Variants in ERGIC2 observed in about 807,000 individuals in gnomAD.
ERGIC2 encodes the protein ERGIC and golgi 2.
In ERGIC2, 31 loss-of-function variants were observed where a neutral mutation model predicts 52.5. The observed-to-expected ratio is 0.59, with a 90% CI of 0.44 to 0.80. The LOEUF (loss-of-function observed/expected upper bound fraction) is 0.80. Among genes scored for constraint, ERGIC2 ranks in the 30% least tolerant of loss-of-function variants. The pLI is 0.00. For missense variants in ERGIC2, 395 were observed against 455.2 expected (o/e 0.87, Z 1.20); for synonymous variants, 129 against 140.6 (o/e 0.92, Z 0.58).
chr12:29,346,243 C>CAGTG (rs1337676896), intron 10 of ERGIC2, among the ~76,000 whole-genome samples: 1 of 150,158 alleles, frequency 6.7e-6, no homozygotes, highest in Non-Finnish European at 1.5e-5. Context: ...GGCTGGAGTG[C>CAGTG]AGTGGCGCAA....
intron 3 of ERGIC2, among the ~76,000 whole-genome samples, chr12:29,368,657 T>C (rs1345590778): frequency 6.6e-6 from 1 of 151,936 alleles, no homozygotes; most frequent in Admixed American, 6.6e-5. Context: ...TTAGGAATTG[T>C]CTTTCTTCTC....
At chr12:29,369,990 G>A in intron 3 of ERGIC2, 124 bp downstream of exon 3, 1 of 852,112 alleles carries the variant, frequency 1.2e-6, no homozygotes, top group Non-Finnish European at 1.6e-6. Context: ...AATTTTTCAG[G>A]ACTATTTCTT....
intron 13 of ERGIC2, 84 bp from the exon 14 acceptor site, chr12:29,341,302 G>T: frequency 9.2e-7 from 1 of 1,087,960 alleles, no homozygotes; most frequent in Non-Finnish European, 1.4e-6. Context: ...GTTTTATTTT[G>T]GGCAATCCTT....
intron 6 of ERGIC2, among the ~76,000 whole-genome samples, chr12:29,359,212 T>C (rs921866678): frequency 5.9e-4 from 90 of 151,894 alleles, no homozygotes; most frequent in Non-Finnish European, 2.1e-4. Flanking sequence ...AGATCCCATC[T>C]TCAGATTCAG....
At chr12:29,369,391 A>G (rs902056842) in intron 3 of ERGIC2, among the ~76,000 whole-genome samples, 1 of 152,006 alleles carries the variant, frequency 6.6e-6, no homozygotes, top group East Asian at 1.9e-4. Flanking sequence ...CCAAGGTTAC[A>G]CAGCAATTTA....
At chr12:29,361,513 A>G (rs772197385) in intron 6 of ERGIC2, 132 bp downstream of exon 6, 11 of 550,794 alleles carry the variant, frequency 2.0e-5, no homozygotes, top group Non-Finnish European at 2.7e-5. Flanking sequence ...TAAGGATTAT[A>G]TTATATACCA....
At chr12:29,368,123 T>C (rs1940390005) in intron 4 of ERGIC2, 118 bp downstream of exon 4, 1 of 683,362 alleles carries the variant, frequency 1.5e-6, no homozygotes, top group Non-Finnish European at 2.6e-6. Flanking sequence ...AATACCACAG[T>C]AAAACTTTAA....
At chr12:29,374,334 A>G (rs574188967) in intron 1 of ERGIC2, among the ~76,000 whole-genome samples, 7 of 152,120 alleles carry the variant, frequency 4.6e-5, no homozygotes, top group Non-Finnish European at 8.8e-5. Context: ...CACATCCCCA[A>G]TTTTCATTCT....
At chr12:29,380,472 T>C (rs1173506778) in intron 1 of ERGIC2, 2 of 152,306 alleles carry the variant, frequency 1.3e-5, no homozygotes, top group African/African-American at 4.8e-5. Flanking sequence ...CAATGACCTG[T>C]CAACTCTATA....
intron 4 of ERGIC2, among the ~76,000 whole-genome samples, chr12:29,367,660 A>C (rs1211286890): frequency 1.3e-5 from 2 of 151,820 alleles, no homozygotes; most frequent in African/African-American, 4.8e-5. Context: ...CTTGGTCTGT[A>C]ATTTTTAAGC....
At chr12:29,363,849 AAG>A (rs1940319396) in intron 5 of ERGIC2, among the ~76,000 whole-genome samples, 2 of 151,824 alleles carry the variant, frequency 1.3e-5, no homozygotes, top group Admixed American at 6.6e-5. Flanking sequence ...AAAAAAAAAA[AAG>A]AGAGTGACCA....
chr12:29,372,725 A>G (rs1337050431), intron 1 of ERGIC2: 1 of 151,422 alleles, frequency 6.6e-6, no homozygotes, highest in East Asian at 1.9e-4. Context: ...CGTGATCTCA[A>G]CTCACCACAA....
Position 29,341,110 on chromosome 12 carries a change from G to A in ERGIC2, c.*46C>T, listed in dbSNP as rs1308366594. ...CACAATATTTTATTATTAAAAAAAG[G>A]TTTTATGTCTCAGGCAAAAAGTTTT... On this transcript the variant is annotated 3_prime_UTR_variant, in exon 14 of 14. Transcript: ENST00000360150. The A allele has an allele frequency of 7.7e-7, 1 of 1,306,360 alleles. No individual in the cohort carries two copies. The allele number at this position is 1,306,360 out of a possible 1,614,324, so 80.9% of individuals were successfully genotyped here.
At chr12:29,372,680 G>T (rs11050213) in intron 1 of ERGIC2, among the ~76,000 whole-genome samples, 8,060 of 149,978 alleles carry the variant, frequency 0.054, 285 homozygotes, top group Non-Finnish European at 0.081. Context: ...TTTGAGACAG[G>T]ATCTTGCTCT....
chr12:29,338,492 G>T lies in ERGIC2; in HGVS notation c.*2664C>A, dbSNP rs1193920684. On this transcript the variant is annotated 3_prime_UTR_variant, in exon 14 of 14. Coordinates refer to ENST00000360150, the MANE Select transcript of ERGIC2 (RefSeq NM_016570.3). ...AGATACTAACTATATAAATGAAAAA[G>T]AATTAGCCAGGTTTGTTGGTGCATG... 1.3e-5 allele frequency: 2 copies of T among 151,952 alleles called. No individual in the cohort carries two copies. The highest frequency in any genetic ancestry group is 1.3e-4 in the Admixed American group (2 of 15,234). The allele number at this position is 151,952 out of a possible 1,614,324, so 9.4% of individuals were successfully genotyped here.
rs1296080464 is a variant in ERGIC2, at chr12:29,340,978, A to C, written c.*178T>G. 5 of 608,488 alleles carry C rather than the reference A, an allele frequency of 8.2e-6. No individual in the cohort carries two copies. The highest frequency in any genetic ancestry group is 1.5e-5 in the Non-Finnish European group (5 of 339,626). 37.7% of individuals were successfully genotyped at this position (608,488 alleles called of 1,614,324 possible). ...ATTTCTTCTACGACATTTGTAACAG[A>C]CACAACGTATATAGAATTTCAGTTT... On this transcript the variant is annotated 3_prime_UTR_variant, in exon 14 of 14. Coordinates refer to ENST00000360150, the MANE Select transcript of ERGIC2 (RefSeq NM_016570.3).
intron 8 of ERGIC2, among the ~76,000 whole-genome samples, chr12:29,355,135 C>T (rs1045473211): frequency 6.6e-6 from 1 of 152,122 alleles, no homozygotes; most frequent in Admixed American, 6.6e-5. Context: ...CTCCTCTTCT[C>T]CTAGTGTTCA....
At chr12:29,348,139 T>C (rs1196320130) in intron 10 of ERGIC2, among the ~76,000 whole-genome samples, 3 of 152,178 alleles carry the variant, frequency 2.0e-5, no homozygotes, top group African/African-American at 4.8e-5. Flanking sequence ...CTAAATTTAG[T>C]ACACTCAGGT....
chr12:29,375,398 G>C (rs926185253), intron 1 of ERGIC2, among the ~76,000 whole-genome samples: 4 of 152,064 alleles, frequency 2.6e-5, no homozygotes, highest in African/African-American at 9.7e-5. Context: ...AATTTTCCCA[G>C]AAACACCACA....
Sources: gnomAD v4.1 joint callset for allele counts (sites outside exome capture counted in the v4.1 genomes callset) on GRCh38, gnomAD v4.1.1 for gene constraint, MANE v1.5 for transcripts, NCBI Gene and HGNC (gene_info 2026-07-23, HGNC 2026-07-21) for gene names.